The following KIAA1958 variants were observed in gnomAD, a reference collection of about 807,000 sequenced individuals.
KIAA1958 encodes the protein KIAA1958.
KIAA1958 carries 14 observed loss-of-function variants against 47.2 expected under a neutral mutation model. That is an observed-to-expected ratio of 0.30 (90% CI 0.20 to 0.46). The LOEUF (loss-of-function observed/expected upper bound fraction) is 0.46. Ranked by LOEUF, KIAA1958 falls within the 20% of genes least tolerant of loss-of-function variation. The pLI is 1.00. For synonymous variants in KIAA1958, 354 were observed against 353.3 expected, an observed-to-expected ratio of 1.00 and a Z score of -0.02; for missense variants, 803 against 909.2, an observed-to-expected ratio of 0.88 and a Z score of 1.50.
chr9:112,581,938 C>T, intron 2 of KIAA1958: 1 of 238,742 alleles, frequency 4.2e-6, no homozygotes, highest in Non-Finnish European at 8.7e-6. Flanking sequence ...GGGATGCATT[C>T]AGCCCACCTC....
chr9:112,593,874 G>GTTTTGT (rs2131192894), intron 2 of KIAA1958, among the ~76,000 whole-genome samples: 1 of 151,344 alleles, frequency 6.6e-6, no homozygotes, highest in East Asian at 1.9e-4. Flanking sequence ...GTTTTGTTTT[G>GTTTTGT]TTTTTTAGAC....
Position 112,627,311 on chromosome 9 carries a change from A to G in KIAA1958, c.1172-18339A>G, listed in dbSNP as rs1458364665. ...TATTTTTTTCTTTTGATGTTTGAGT[A>G]TCTTACAGAAAAATCCAATCAAATG... On this transcript the variant is annotated intron_variant, in intron 2 of 3. Coordinates refer to ENST00000337530, the MANE Select transcript of KIAA1958 (RefSeq NM_133465.4). Among the ~76,000 whole-genome samples the G allele has an allele frequency of 2.0e-5, 3 of 152,362 alleles. No individual in the cohort carries two copies. The East Asian group carries it at 5.8e-4, about 29-fold the overall frequency.
chr9:112,591,535 A>G (rs981893075), intron 2 of KIAA1958, among the ~76,000 whole-genome samples: 6 of 152,076 alleles, frequency 3.9e-5, no homozygotes, highest in Admixed American at 2.6e-4. Flanking sequence ...TTAATTCAAT[A>G]TTTGATAAGT....
intron 2 of KIAA1958, among the ~76,000 whole-genome samples, chr9:112,581,379 GAAGTA>G (rs993802644): frequency 3.9e-5 from 6 of 152,134 alleles, no homozygotes; most frequent in African/African-American, 1.4e-4. Context: ...TGTGAGAAGT[GAAGTA>G]GATTCTGGTT....
At chr9:112,513,364 TTC>T (rs1424392028) in intron 1 of KIAA1958, among the ~76,000 whole-genome samples, 2 of 148,586 alleles carry the variant, frequency 1.3e-5, no homozygotes, top group Non-Finnish European at 3.0e-5. Context: ...GGGAAGACTT[TTC>T]TCAGCAGAGG....
chr9:112,657,580 A>G (rs1588056472), intron 3 of KIAA1958, among the ~76,000 whole-genome samples: 1 of 152,270 alleles, frequency 6.6e-6, no homozygotes, highest in East Asian at 1.9e-4. Flanking sequence ...TTTAATCTAT[A>G]GTTCAGCTTT....
intron 2 of KIAA1958, among the ~76,000 whole-genome samples, chr9:112,635,482 G>GCCTTGGC (rs1836790629): frequency 6.6e-6 from 1 of 152,044 alleles, no homozygotes; most frequent in Non-Finnish European, 1.5e-5. Flanking sequence ...AAACTCCTCA[G>GCCTTGGC]CTCAAGTTAT....
intron 1 of KIAA1958, among the ~76,000 whole-genome samples, chr9:112,515,250 G>C (rs1457713519): frequency 9.5e-6 from 1 of 105,728 alleles, no homozygotes; most frequent in Non-Finnish European, 2.1e-5. Context: ...GCCCTGTCCG[G>C]GAGGGAGGTG....
At chr9:112,562,675 T>A (rs1835354568) in intron 1 of KIAA1958, among the ~76,000 whole-genome samples, 4 of 152,216 alleles carry the variant, frequency 2.6e-5, no homozygotes, top group Admixed American at 2.6e-4. Flanking sequence ...TGCTTTGTAC[T>A]TGAATGGTCT....
chr9:112,601,116 G>A (rs1441912583), intron 2 of KIAA1958, among the ~76,000 whole-genome samples: 3 of 152,174 alleles, frequency 2.0e-5, no homozygotes, highest in Non-Finnish European at 4.4e-5. Flanking sequence ...GCTAAGATAA[G>A]AATTGGAAAA....
At chr9:112,656,316 T>A (rs1837149651) in intron 3 of KIAA1958, among the ~76,000 whole-genome samples, 1 of 131,902 alleles carries the variant, frequency 7.6e-6, no homozygotes, top group Non-Finnish European at 1.5e-5. Flanking sequence ...GAGGCTGCAG[T>A]GAGCTGAGAT....
intron 1 of KIAA1958, among the ~76,000 whole-genome samples, chr9:112,528,386 A>T (rs1834697335): frequency 6.6e-6 from 1 of 152,174 alleles, no homozygotes. Flanking sequence ...CACCCTGTGC[A>T]GGGTTAAGTA....
intron 2 of KIAA1958, among the ~76,000 whole-genome samples, chr9:112,635,912 G>A (rs968124950): frequency 6.6e-6 from 1 of 151,244 alleles, no homozygotes; most frequent in Non-Finnish European, 1.5e-5. Flanking sequence ...TAGATTTCTT[G>A]TTCTTCTAAA....
chr9:112,523,665 C>T (rs1030363726), intron 1 of KIAA1958, among the ~76,000 whole-genome samples: 1 of 152,098 alleles, frequency 6.6e-6, no homozygotes, highest in African/African-American at 2.4e-5. Flanking sequence ...GACACTGTTT[C>T]GATGGGGAGT....
chr9:112,540,986 C>T (rs1027329245), intron 1 of KIAA1958, among the ~76,000 whole-genome samples: 1 of 152,088 alleles, frequency 6.6e-6, no homozygotes, highest in African/African-American at 2.4e-5. Context: ...TCCTAACATA[C>T]TGGGATTACA....
At chr9:112,551,240 A>C (rs185725788) in intron 1 of KIAA1958, among the ~76,000 whole-genome samples, 1 of 152,122 alleles carries the variant, frequency 6.6e-6, no homozygotes, top group African/African-American at 2.4e-5. Context: ...CCAAACTGAA[A>C]ATTTGATGTG....
chr9:112,659,492 C>T lies in KIAA1958; in HGVS notation c.1574C>T (p.Ala525Val), dbSNP rs200477840. 7.4e-6 allele frequency: 12 copies of T among 1,613,490 alleles called. No homozygotes were observed. In the East Asian group the frequency reaches 1.8e-4, roughly 24 times the overall value. ...CTGAGTAAGGCAGGCATGTCGGGCG[C>T]GCGTTCTCGCAACATCGTCTACTTC... Reference protein sequence around the residue: ...WVLSKAGMSGARSRNIVYFSL... With the variant: ...WVLSKAGMSGVRSRNIVYFSL... The change falls in exon 4 of 4, where the codon GCG becomes GTG. Residue 525 changes from alanine to valine, a missense_variant. This residue lies in a region of KIAA1958 where 761 missense variants were observed against 829.3 expected (regional missense o/e 0.92). Transcript: ENST00000337530.
intron 1 of KIAA1958, among the ~76,000 whole-genome samples, chr9:112,494,478 T>C (rs1363729786): frequency 6.6e-6 from 1 of 152,110 alleles, no homozygotes; most frequent in Non-Finnish European, 1.5e-5. Context: ...TCATGGTATC[T>C]ATCGCTTTTT....
At chr9:112,569,143 C>T (rs1835486458) in intron 1 of KIAA1958, among the ~76,000 whole-genome samples, 2 of 151,952 alleles carry the variant, frequency 1.3e-5, no homozygotes, top group African/African-American at 4.8e-5. Context: ...GTTCACATTC[C>T]TTCTATATGT....
Sources: gnomAD v4.1 joint callset for allele counts (sites outside exome capture counted in the v4.1 genomes callset) on GRCh38, gnomAD v4.1.1 for gene constraint, gnomAD v4.1.1 regional missense constraint, MANE v1.5 for transcripts, NCBI Gene and HGNC (gene_info 2026-07-23, HGNC 2026-07-21) for gene names.